The following ALG14 variants were observed in gnomAD, a reference collection of about 807,000 sequenced individuals.
ALG14 encodes UDP-N-acetylglucosamine transferase subunit ALG14.
In ALG14, 17 loss-of-function variants were observed where a neutral mutation model predicts 22.8. The ratio of observed to expected loss-of-function variants is 0.75; its 90% CI spans 0.51 to 1.12. The LOEUF (loss-of-function observed/expected upper bound fraction) is 1.12. Ranked by LOEUF, ALG14 falls within the 50% of genes most tolerant of loss-of-function variation. The pLI, the probability that ALG14 is intolerant of heterozygous loss-of-function variation, is 0.00. For missense variants in ALG14, 288 were observed against 271.8 expected (o/e 1.06, Z -0.42); for synonymous variants, 89 against 103.7 (o/e 0.86, Z 0.86).
intron 2 of ALG14, among the ~76,000 whole-genome samples, chr1:95,054,107 G>A (rs1004619310): frequency 1.1e-4 from 16 of 152,172 alleles, no homozygotes; most frequent in Non-Finnish European, 1.6e-4. Flanking sequence ...CTGGAAGAGG[G>A]CACAAACTAC....
At chr1:95,032,157 T>C (rs1674029019) in intron 2 of ALG14, among the ~76,000 whole-genome samples, 1 of 152,050 alleles carries the variant, frequency 6.6e-6, no homozygotes, top group Non-Finnish European at 1.5e-5. Context: ...GTAAGAGTAC[T>C]TGGTTATAGT....
intron 2 of ALG14, among the ~76,000 whole-genome samples, chr1:95,028,175 G>A (rs914452968): frequency 2.6e-5 from 4 of 152,048 alleles, no homozygotes; most frequent in Non-Finnish European, 5.9e-5. Context: ...TTGAGACAAG[G>A]TCTCACTCTG....
chr1:95,024,786 C>T (rs949383118), intron 3 of ALG14, among the ~76,000 whole-genome samples: 2 of 152,210 alleles, frequency 1.3e-5, no homozygotes, highest in Non-Finnish European at 2.9e-5. Context: ...GTCACATCTT[C>T]AGGCTCTACT....
chr1:95,062,549 A>G (rs147964434), intron 2 of ALG14, among the ~76,000 whole-genome samples: 62 of 152,162 alleles, frequency 4.1e-4, no homozygotes, highest in African/African-American at 1.5e-3. Flanking sequence ...AACGTGTAGT[A>G]TTTAGTTTTC....
intron 2 of ALG14, among the ~76,000 whole-genome samples, chr1:95,043,371 G>C (rs1253733271): frequency 1.3e-5 from 2 of 152,136 alleles, no homozygotes; most frequent in Non-Finnish European, 2.9e-5. Context: ...TTGGCATCTG[G>C]TGGATAAAGG....
chr1:95,040,200 TA>T, intron 2 of ALG14, among the ~76,000 whole-genome samples: 1 of 151,454 alleles, frequency 6.6e-6, no homozygotes. Context: ...AATAAATAAA[TA>T]AATAAATAAG....
At chr1:95,026,106 G>A (rs1673807634) in intron 3 of ALG14, among the ~76,000 whole-genome samples, 1 of 152,078 alleles carries the variant, frequency 6.6e-6, no homozygotes, top group Non-Finnish European at 1.5e-5. Context: ...CAAATCTTTT[G>A]TATTTTTAGT....
chr1:95,052,561 G>C (rs993303991), intron 2 of ALG14, among the ~76,000 whole-genome samples: 1 of 151,996 alleles, frequency 6.6e-6, no homozygotes, highest in Non-Finnish European at 1.5e-5. Flanking sequence ...AACAATTTAC[G>C]AATAATGTGT....
intron 3 of ALG14, among the ~76,000 whole-genome samples, chr1:95,023,366 C>T (rs187394461): frequency 1.3e-3 from 193 of 152,228 alleles, no homozygotes; most frequent in African/African-American, 4.4e-3. Flanking sequence ...TCAAGTGATC[C>T]GCCCGCTTTG....
intron 2 of ALG14, among the ~76,000 whole-genome samples, chr1:95,054,280 C>G (rs1052470195): frequency 1.3e-5 from 2 of 152,126 alleles, no homozygotes; most frequent in Non-Finnish European, 2.9e-5. Context: ...AATGGTTGGT[C>G]ATGATCTCCT....
At chr1:95,052,722 G>A (rs190305400) in intron 2 of ALG14, among the ~76,000 whole-genome samples, 6 of 152,092 alleles carry the variant, frequency 3.9e-5, no homozygotes, top group African/African-American at 1.4e-4. Context: ...CTCAGGTGTG[G>A]TGGCACGTGC....
chr1:95,049,654 T>C (rs1674681137), intron 2 of ALG14, among the ~76,000 whole-genome samples: 1 of 152,082 alleles, frequency 6.6e-6, no homozygotes, highest in Non-Finnish European at 1.5e-5. Context: ...GGCAGATCAT[T>C]TGAGCTCAAG....
intron 2 of ALG14, among the ~76,000 whole-genome samples, chr1:95,063,347 TTCA>T (rs1428547192): frequency 1.2e-4 from 19 of 152,216 alleles, no homozygotes; most frequent in African/African-American, 4.6e-4. Context: ...TTTTGGCATT[TTCA>T]TCATAAAATC....
intron 2 of ALG14, among the ~76,000 whole-genome samples, chr1:95,040,849 TG>T (rs1674356523): frequency 6.6e-6 from 1 of 152,224 alleles, no homozygotes; most frequent in African/African-American, 2.4e-5. Context: ...CAAATTTAAC[TG>T]GCACTGGGAA....
At chr1:95,012,662 C>T (rs187190404) in intron 3 of ALG14, among the ~76,000 whole-genome samples, 56 of 152,292 alleles carry the variant, frequency 3.7e-4, no homozygotes, top group Non-Finnish European at 6.5e-4. Flanking sequence ...CCATGGTCAA[C>T]GGGACCTGTT....
At chr1:94,989,591 G>A (rs1672723335) in intron 3 of ALG14, among the ~76,000 whole-genome samples, 1 of 152,192 alleles carries the variant, frequency 6.6e-6, no homozygotes, top group African/African-American at 2.4e-5. Context: ...AGGTACTGCT[G>A]GCAGGGGTCC....
At chr1:95,026,057 C>T (rs753926029) in intron 3 of ALG14, among the ~76,000 whole-genome samples, 2 of 152,060 alleles carry the variant, frequency 1.3e-5, no homozygotes, top group East Asian at 1.9e-4. Context: ...CTCAGCCTTC[C>T]GAGTAGCTGG....
Position 95,022,967 on chromosome 1 carries a change from A to T in ALG14, c.420+4162T>A, listed in dbSNP as rs192355361. 2.3e-3 allele frequency among the ~76,000 whole-genome samples: 348 copies of T among 152,296 alleles called. 1 individual carries two copies. The highest frequency in any genetic ancestry group is 7.9e-3 in the African/African-American group (327 of 41,568). On this transcript the variant is annotated intron_variant, in intron 3 of 3. Coordinates refer to ENST00000370205, the MANE Select transcript of ALG14 (RefSeq NM_144988.4). ...TAACAAGAGTTAATTGCCTCTTCTT[A>T]ATATTTCAAACACATGTTAATTAGT...
intron 2 of ALG14, among the ~76,000 whole-genome samples, chr1:95,064,568 T>A (rs182459109): frequency 6.6e-6 from 1 of 152,354 alleles, no homozygotes; most frequent in Non-Finnish European, 1.5e-5. Flanking sequence ...GTTCTGTTTA[T>A]GTGATGAATT....
Sources: allele counts gnomAD v4.1 joint callset (sites outside exome capture counted in the v4.1 genomes callset), GRCh38; gene constraint gnomAD v4.1.1; transcripts MANE v1.5; gene names NCBI Gene and HGNC (gene_info 2026-07-23, HGNC 2026-07-21).